Variants in PGLYRP2 observed in about 807,000 individuals in gnomAD.
PGLYRP2 encodes the protein N-acetylmuramoyl-L-alanine amidase.
PGLYRP2 carries 38 observed loss-of-function variants against 46.2 expected under a neutral mutation model. The observed-to-expected ratio is 0.82, with a 90% CI of 0.64 to 1.08. The LOEUF (loss-of-function observed/expected upper bound fraction) is 1.08, where lower values mean the gene tolerates loss of function less well. PGLYRP2 is among the 50% of genes least tolerant of loss of function. The pLI, the probability that PGLYRP2 is intolerant of heterozygous loss-of-function variation, is 0.00. For missense variants in PGLYRP2, 713 were observed against 755.9 expected (o/e 0.94, Z 0.67); for synonymous variants, 289 against 329.4 (o/e 0.88, Z 1.33).
chr19:15,478,808 G>C (rs549983478), intron 1 of PGLYRP2, among the ~76,000 whole-genome samples: 1 of 152,030 alleles, frequency 6.6e-6, no homozygotes, highest in Non-Finnish European at 1.5e-5. Flanking sequence ...TTTTAGTAGA[G>C]ATGGGGTTTC....
chr19:15,477,721 T>TAAAATAAAAATAAAATAAAATAAAA (rs56127600), intron 1 of PGLYRP2, among the ~76,000 whole-genome samples: 1 of 135,364 alleles, frequency 7.4e-6, no homozygotes, highest in Non-Finnish European at 1.6e-5. Context: ...TAAAATAAAA[T>TAAAATAAAAATAAAATAAAATAAAA]TAAATTAAAA....
intron 1 of PGLYRP2, among the ~76,000 whole-genome samples, chr19:15,478,241 G>T (rs796561232): frequency 5.3e-5 from 8 of 152,290 alleles, no homozygotes; most frequent in African/African-American, 1.9e-4. Context: ...CAGCTACTTG[G>T]GGGGCTGAGG....
intron 3 of PGLYRP2, among the ~76,000 whole-genome samples, chr19:15,471,269 C>T (rs371221373): frequency 1.3e-5 from 2 of 152,056 alleles, no homozygotes; most frequent in Admixed American, 6.6e-5. Flanking sequence ...CCCGCCATCA[C>T]GCCTGGCTAA....
chr19:15,470,293 CTTCTTTCT>C (rs55661645), intron 3 of PGLYRP2, among the ~76,000 whole-genome samples: 12 of 101,840 alleles, frequency 1.2e-4, no homozygotes, highest in Non-Finnish European at 1.9e-4. Context: ...TCCTTCCTTC[CTTCTTTCT>C]TTCTTTCTTT....
At chr19:15,479,141 T>C (rs563275522) in intron 1 of PGLYRP2, among the ~76,000 whole-genome samples, 170 bp downstream of exon 1, 196 of 152,300 alleles carry the variant, frequency 1.3e-3, no homozygotes, top group African/African-American at 4.4e-3. Context: ...CCTTCCCTTA[T>C]CCTTGCCTTG....
chr19:15,471,849 G>A (rs1207783653), intron 3 of PGLYRP2, 41 bp downstream of exon 3: 1 of 1,594,326 alleles, frequency 6.3e-7, no homozygotes, highest in Admixed American at 1.7e-5. Context: ...CCCCATCCCC[G>A]AACGTGGGCC....
chr19:15,475,652 G>C lies in PGLYRP2; in HGVS notation c.1018C>G (p.Leu340Val). Residue 340 changes from leucine (L) to valine (V), a missense_variant, in exon 2 of 5, where the codon CTT (leucine) becomes GTT (valine). Coordinates refer to ENST00000340880, the MANE Select transcript of PGLYRP2 (RefSeq NM_052890.4). The stretch of plus-strand genomic sequence containing the variant: ...GGCTCCAGCCTCTGTAGAAGGACAA[G>C]GGTTCCCCACACCTGCTGGGCCAGG... ...SILAQQVWGT[L>V]VLLQRLEPVH... is the part of the protein sequence containing the mutation. The C allele has an allele frequency of 6.2e-7, 1 of 1,614,194 alleles. No homozygotes were observed. The highest frequency in any genetic ancestry group is 8.5e-7 in the Non-Finnish European group (1 of 1,180,028).
chr19:15,474,687 G>A (rs1434808236), intron 2 of PGLYRP2, among the ~76,000 whole-genome samples: 1 of 152,078 alleles, frequency 6.6e-6, no homozygotes, highest in Non-Finnish European at 1.5e-5. Context: ...CTACTCAGCT[G>A]TAAAAAATGA....
rs1374075004 is a variant in PGLYRP2, at chr19:15,476,215, C to G, written c.455G>C (p.Gly152Ala). ...LDSMAAPWET[G>A]DTFPDVVAIA... ...GGCCACAACATCTGGAAAGGTATCT[C>G]CAGTCTCCCAAGGGGCAGCCATGCT... The change falls in exon 2 of 5, where the codon GGA becomes GCA. Residue 152 changes from glycine to alanine, a missense_variant. Coordinates refer to ENST00000340880, the MANE Select transcript of PGLYRP2 (RefSeq NM_052890.4). The G allele has an allele frequency of 1.9e-6, 3 of 1,614,036 alleles. No individual in the cohort carries two copies. The highest frequency in any genetic ancestry group is 2.7e-5 in the African/African-American group (2 of 74,920).
Position 15,469,635 on chromosome 19 carries a change from G to A in PGLYRP2, c.1638C>T (p.Thr546=). The change falls in exon 4 of 5, where the codon ACC becomes ACT. Residue 546 remains threonine (T), a synonymous_variant. Coordinates refer to ENST00000340880, the MANE Select transcript of PGLYRP2 (RefSeq NM_052890.4). This position sits in a 1 kb window ranked among gnomAD's most constrained non-coding sequence, Gnocchi z 4.9. The part of the protein sequence containing the change: ...FDLLRTWPHF[T]ATVKPRPARS... ...AGTGCAGGCTGCGAAGACTCACCGC[G>A]GTGAAGTGCGGCCAGGTGCGCAGCA... The A allele has an allele frequency of 2.5e-6, 4 of 1,574,358 alleles. No homozygotes were observed. Among genetic ancestry groups the A allele is most frequent in the Non-Finnish European group, 2.6e-6 (3 of 1,165,404 alleles).
intron 3 of PGLYRP2, among the ~76,000 whole-genome samples, chr19:15,470,244 CCTT>C (rs1407257180): frequency 1.2e-5 from 1 of 85,688 alleles, no homozygotes; most frequent in Non-Finnish European, 2.4e-5. Context: ...TTTTTTCTTT[CCTT>C]CCTTCCTTCC....
rs1179355261 is a variant in PGLYRP2 at position 15,468,666 on chromosome 19, T to C, written c.1728A>G (p.Gln576=). 4 of 1,610,990 alleles carry C rather than the reference T, an allele frequency of 2.5e-6. No individual in the cohort carries two copies. Among genetic ancestry groups the C allele is most frequent in the Non-Finnish European group, 3.4e-6 (4 of 1,178,542 alleles). The change falls in exon 5 of 5, where the codon CAA becomes CAG. Residue 576 remains glutamine, a synonymous_variant. Coordinates refer to ENST00000340880, the MANE Select transcript of PGLYRP2 (RefSeq NM_052890.4). ...PPRTLPATDL[Q] ...AGACTTTGTTTCCATGCTGTCTTTA[T>C]TGGAGGTCTGTGGCTGGCAGGGTCC... is the stretch of plus-strand genomic sequence containing the variant.
Position 15,469,968 on chromosome 19 carries a change from AG to A in PGLYRP2, c.1344-40del, listed in dbSNP as rs768319767. 1 of 1,380,326 alleles carries A rather than the reference AG, an allele frequency of 7.2e-7. No homozygotes were observed. Among genetic ancestry groups the A allele is most frequent in the Non-Finnish European group, 9.3e-7 (1 of 1,070,310 alleles). 85.5% of individuals were successfully genotyped at this position (1,380,326 alleles called of 1,614,324 possible). A position where few individuals can be genotyped will look rare whatever the true frequency, so the allele number is the denominator to read the frequency against. ...GGAGAAGCAAGCACCATGCGGCGTG[AG>A]GGGGACCCGGGCCCTTATCCGCTCC... On this transcript the variant is annotated intron_variant, in intron 3 of 4. Transcript: ENST00000340880. The surrounding 1 kb of genome is among the most constrained non-coding windows in gnomAD (Gnocchi z 4.9).
Position 15,476,066 on chromosome 19 carries a change from A to C in PGLYRP2, c.604T>G (p.Ser202Ala), listed in dbSNP as rs1229486012. 2 of 1,614,034 alleles carry C rather than the reference A, an allele frequency of 1.2e-6. No individual in the cohort carries two copies. The highest frequency in any genetic ancestry group is 1.7e-6 in the Non-Finnish European group (2 of 1,180,026). ...GACTTGGCTTTGGCATCTGGCAAGG[A>C]AGCTTGGACATCTGGACAGCCTTTT... ...ATKGCPDVQA[S>A]LPDAKAKSPP... Residue 202 changes from serine (S) to alanine (A), a missense_variant, in exon 2 of 5, where the codon TCC becomes GCC. Ser to Ala is a moderately conservative substitution (Grantham distance 99). Coordinates refer to ENST00000340880, the MANE Select transcript of PGLYRP2 (RefSeq NM_052890.4).
intron 1 of PGLYRP2, among the ~76,000 whole-genome samples, chr19:15,478,678 TG>T (rs1970819526): frequency 1.3e-5 from 2 of 150,312 alleles, no homozygotes. Context: ...TCATCCAGGC[TG>T]GAGTGCAGTA....
chr19:15,476,070 T>C lies in PGLYRP2; in HGVS notation c.600A>G (p.Gln200=). ...PDATKGCPDV[Q]ASLPDAKAKS... is the part of the protein sequence containing the mutation. Reference sequence around the variant, plus strand: ...TGGCTTTGGCATCTGGCAAGGAAGCTTGGACATCTGGACAGCCTTTTGTAG... The same window carrying C: ...TGGCTTTGGCATCTGGCAAGGAAGCCTGGACATCTGGACAGCCTTTTGTAG... Residue 200 remains glutamine (Q), a synonymous_variant, in exon 2 of 5, where the codon CAA becomes CAG. Transcript: ENST00000340880. 6.2e-7 allele frequency: 1 copy of C among 1,614,172 alleles called. No homozygotes were observed.
chr19:15,473,841 A>G (rs2145517565), intron 2 of PGLYRP2, among the ~76,000 whole-genome samples: 1 of 150,302 alleles, frequency 6.7e-6, no homozygotes, highest in Non-Finnish European at 1.5e-5. Context: ...AAAGAAAGAA[A>G]AAGAAAGAAA....
At position 15,476,642 on chromosome 19, in the gene PGLYRP2, A is replaced by G. The variant is rs376761438; in HGVS notation, c.62-34T>C. On this transcript the variant is annotated intron_variant, in intron 1 of 4. Transcript: ENST00000340880. The stretch of plus-strand genomic sequence containing the variant: ...GGAAAGAATGTGTTAGCCCAGCCCC[A>G]CCCATTCCTGAGCCTCCTTGTATTG... 169 of 1,499,900 alleles carry G rather than the reference A, an allele frequency of 1.1e-4. 1 individual carries two copies. Among genetic ancestry groups the G allele is most frequent in the Non-Finnish European group, 1.4e-4 (161 of 1,123,114 alleles). 92.9% of individuals were successfully genotyped at this position (1,499,900 alleles called of 1,614,324 possible).
At chr19:15,472,150 G>A (rs1226740624) in intron 2 of PGLYRP2, 50 bp from the exon 3 acceptor site, 1 of 1,477,916 alleles carries the variant, frequency 6.8e-7, no homozygotes, top group Non-Finnish European at 9.2e-7. Flanking sequence ...TTCTCTGCCT[G>A]TTCCTCCACC....
Sources: gnomAD v4.1 joint callset for allele counts (sites outside exome capture counted in the v4.1 genomes callset) on GRCh38, gnomAD v4.1.1 for gene constraint, Gnocchi (gnomAD v3.1) non-coding constraint, MANE v1.5 for transcripts, NCBI Gene and HGNC (gene_info 2026-07-23, HGNC 2026-07-21) for gene names.